DOP1B: variants seen among roughly 807,000 people sequenced by gnomAD.
DOP1B encodes the protein DOP1 leucine zipper like protein B, also known as protein DOP1B.
DOP1B carries 174 observed loss-of-function variants against 233.5 expected under a neutral mutation model. The observed-to-expected ratio is 0.75, with a 90% CI of 0.66 to 0.85. The LOEUF (loss-of-function observed/expected upper bound fraction) is 0.85. Among genes scored for constraint, DOP1B ranks in the 40% least tolerant of loss-of-function variants. The pLI, the probability that DOP1B is intolerant of heterozygous loss-of-function variation, is 0.00. For synonymous variants in DOP1B, 1,190 were observed against 1,185.6 expected, an observed-to-expected ratio of 1.00 and a Z score of -0.08; for missense variants, 2,652 against 2,846.6, an observed-to-expected ratio of 0.93 and a Z score of 1.56.
At position 36,278,213 on chromosome 21, in the gene DOP1B, T is replaced by G. The variant is rs200333230; in HGVS notation, c.5827T>G (p.Tyr1943Asp). 6.2e-6 allele frequency: 10 copies of G among 1,614,036 alleles called. No homozygotes were observed. In the East Asian group the frequency reaches 8.9e-5, roughly 14 times the overall value. The stretch of plus-strand genomic sequence containing the variant: ...TCTCTTCCCACTCCCACTCAGTGCC[T>G]ACAATGCTCCCAGCTTCCGGGCTGG... Reference protein sequence around the residue: ...VFPYLRNHSAYNAPSFRAGAQ... With the variant: ...VFPYLRNHSADNAPSFRAGAQ... The change falls in exon 30 of 37, where the codon TAC (tyrosine) becomes GAC (aspartate). Residue 1943 changes from tyrosine (Y) to aspartate (D), a missense_variant. Around this residue, in one of 3 missense-constraint regions of DOP1B, gnomAD observed 2,617 missense variants for 2,794.3 expected, o/e 0.94. Coordinates refer to ENST00000691173, the MANE Select transcript of DOP1B (RefSeq NM_001320714.2).
chr21:36,285,110 A>C (rs1211339408), intron 32 of DOP1B, among the ~76,000 whole-genome samples: 1 of 152,074 alleles, frequency 6.6e-6, no homozygotes, highest in Non-Finnish European at 1.5e-5. Context: ...CCCAGGCTGG[A>C]GTGCAGTGGC....
At chr21:36,273,310 G>A (rs1347157237) in intron 27 of DOP1B, among the ~76,000 whole-genome samples, 1 of 151,084 alleles carries the variant, frequency 6.6e-6, no homozygotes, top group African/African-American at 2.4e-5. Flanking sequence ...GGGAGGCTGA[G>A]GCAGGAGAAT....
rs967752906 is a variant in DOP1B at position 36,164,889 on chromosome 21, T to G, written c.138+18T>G. 1 of 1,512,522 alleles carries G rather than the reference T, an allele frequency of 6.6e-7. No homozygotes were observed. The highest frequency in any genetic ancestry group is 1.4e-5 in the African/African-American group (1 of 70,974). The allele number at this position is 1,512,522 out of a possible 1,614,324, so 93.7% of individuals were successfully genotyped here. A position where few individuals can be genotyped will look rare whatever the true frequency, so the allele number is the denominator to read the frequency against. Reference sequence around the variant, plus strand: ...TCAACAAGGTATGTAGGGTGTATCCTATTTGGATTGCATGGAGGTGGGGAC... The same window carrying G: ...TCAACAAGGTATGTAGGGTGTATCCGATTTGGATTGCATGGAGGTGGGGAC... On this transcript the variant is annotated intron_variant, in intron 2 of 36. Transcript: ENST00000691173.
In DOP1B at chr21:36,238,759, C is replaced by T. The variant is rs575872418; in HGVS notation, c.2876+58C>T. 7 of 1,549,166 alleles carry T rather than the reference C, an allele frequency of 4.5e-6. No homozygotes were observed. In the South Asian group the frequency reaches 5.6e-5, roughly 12 times the overall value. Reference sequence around the variant, plus strand: ...CTCACGAGGAAACTCCACAGAGGTGCCTGCCCAACGTGTGGGGCTGGGGAG... The same window carrying T: ...CTCACGAGGAAACTCCACAGAGGTGTCTGCCCAACGTGTGGGGCTGGGGAG... On this transcript the variant is annotated intron_variant, in intron 17 of 36. Transcript: ENST00000691173.
intron 23 of DOP1B, among the ~76,000 whole-genome samples, chr21:36,260,182 A>G (rs1426915957): frequency 1.3e-5 from 2 of 150,032 alleles, no homozygotes; most frequent in Non-Finnish European, 3.0e-5. Flanking sequence ...GGAAAGAAGG[A>G]ATGCAAAGAA....
chr21:36,189,529 C>T lies in DOP1B; in HGVS notation c.139-9541C>T, dbSNP rs145539668. Among the ~76,000 whole-genome samples the T allele has an allele frequency of 1.9e-4, 29 of 150,770 alleles. 1 individual carries two copies. Among genetic ancestry groups the T allele is most frequent in the Non-Finnish European group, 3.4e-4 (23 of 67,596 alleles). Reference sequence around the variant, plus strand: ...ACGGTGGATCACAAGGTCAGGAGTTCGAGACCGGCCTGGCCAATATGGTGA... The same window carrying T: ...ACGGTGGATCACAAGGTCAGGAGTTTGAGACCGGCCTGGCCAATATGGTGA... On this transcript the variant is annotated intron_variant, in intron 2 of 36. Coordinates refer to ENST00000691173, the MANE Select transcript of DOP1B (RefSeq NM_001320714.2).
chr21:36,252,225 A>G (rs181607572), intron 22 of DOP1B, among the ~76,000 whole-genome samples: 7 of 152,182 alleles, frequency 4.6e-5, no homozygotes, highest in Non-Finnish European at 8.8e-5. Context: ...GGCTTAAGAA[A>G]TGGTCACTTA....
intron 32 of DOP1B, among the ~76,000 whole-genome samples, chr21:36,284,999 G>A (rs907969591): frequency 6.6e-6 from 1 of 151,692 alleles, no homozygotes; most frequent in African/African-American, 2.4e-5. Context: ...TGCAATAAAG[G>A]CAGCAGAATG....
Position 36,246,324 on chromosome 21 carries a change from G to C in DOP1B, c.4344G>C (p.Leu1448=), listed in dbSNP as rs747249053. The stretch of plus-strand genomic sequence containing the variant: ...AGCTGCTGAAGCTGCTGCAGGTGCT[G>C]ATTGTCTTGGAACACCACCTGGGTC... ...QIELLKLLQV[L]IVLEHHLGRA... is the part of the protein sequence containing the mutation. The change falls in exon 19 of 37, where the codon CTG becomes CTC. Residue 1448 remains leucine (L), a synonymous_variant. Transcript: ENST00000691173. The surrounding 1 kb of genome is among the most constrained non-coding windows in gnomAD (Gnocchi z 5.1). 2 of 1,613,904 alleles carry C rather than the reference G, an allele frequency of 1.2e-6. No homozygotes were observed. The highest frequency in any genetic ancestry group is 1.7e-6 in the Non-Finnish European group (2 of 1,180,002).
intron 26 of DOP1B, among the ~76,000 whole-genome samples, chr21:36,266,835 G>C (rs1311463336): frequency 6.6e-6 from 1 of 152,240 alleles, no homozygotes; most frequent in African/African-American, 2.4e-5. Context: ...GGGAAATGGG[G>C]AGAAAGGCCA....
At chr21:36,194,643 C>T (rs563675717) in intron 2 of DOP1B, among the ~76,000 whole-genome samples, 92 of 152,024 alleles carry the variant, frequency 6.1e-4, no homozygotes, top group Non-Finnish European at 1.1e-3. Context: ...TGTGCCACCA[C>T]GCCTGGCTAA....
chr21:36,245,877 G>T lies in DOP1B; in HGVS notation c.3897G>T (p.Gln1299His). 1 of 1,613,740 alleles carries T rather than the reference G, an allele frequency of 6.2e-7. No individual in the cohort carries two copies. The highest frequency in any genetic ancestry group is 8.5e-7 in the Non-Finnish European group (1 of 1,180,002). The change falls in exon 19 of 37, where the codon CAG (glutamine) becomes CAT (histidine). Residue 1299 changes from glutamine to histidine, a missense_variant. By Grantham distance (24) the Gln-to-His change is conservative. This residue lies in a region of DOP1B where 2,617 missense variants were observed against 2,794.3 expected (regional missense o/e 0.94). Coordinates refer to ENST00000691173, the MANE Select transcript of DOP1B (RefSeq NM_001320714.2). The surrounding 1 kb of genome is among the most constrained non-coding windows in gnomAD (Gnocchi z 5.5). ...GCCAGAGTTTCTACGGAAAGCTCCA[G>T]ACCCAGGTCCCCAACGTGTGCCCCC... is the stretch of plus-strand genomic sequence containing the variant. ...LIGQSFYGKL[Q>H]TQVPNVCPHS...
chr21:36,282,550 C>T (rs1219108941), intron 32 of DOP1B, among the ~76,000 whole-genome samples: 2 of 152,186 alleles, frequency 1.3e-5, no homozygotes, highest in South Asian at 2.1e-4. Context: ...TCAAGGTACT[C>T]GGTGTTTACA....
At chr21:36,164,919 T>C (rs2065895000) in intron 2 of DOP1B, 48 bp downstream of exon 2, 2 of 1,403,604 alleles carry the variant, frequency 1.4e-6, no homozygotes, top group South Asian at 3.9e-5. Context: ...GGGGACGTAA[T>C]TGTCTTTTTA....
rs538678097 is a variant in DOP1B, at chr21:36,261,031, A to G, written c.5315+299A>G. On this transcript the variant is annotated intron_variant, in intron 24 of 36. Transcript: ENST00000691173. ...CATTAAATTGATACAGAAAAAGAAAAAAACCACATATAGGGAAGTGTTAAA... is the reference window on the plus strand; with the variant it reads ...CATTAAATTGATACAGAAAAAGAAAGAAACCACATATAGGGAAGTGTTAAA... The G allele has an allele frequency of 2.7e-6, 3 of 1,124,562 alleles. No homozygotes were observed. The African/African-American group carries it at 4.9e-5, about 18-fold the overall frequency. The allele number at this position is 1,124,562 out of a possible 1,614,324, so 69.7% of individuals were successfully genotyped here.
Position 36,239,842 on chromosome 21 carries a change from G to T in DOP1B, c.2954G>T (p.Arg985Leu), listed in dbSNP as rs763751996. The T allele has an allele frequency of 1.9e-6, 3 of 1,579,596 alleles. No homozygotes were observed. Among genetic ancestry groups the T allele is most frequent in the Non-Finnish European group, 2.6e-6 (3 of 1,164,574 alleles). The stretch of plus-strand genomic sequence containing the variant: ...GCGGCAGCCCAGGGCTGGCTGGTGC[G>T]TGCGCTCTCCCTCGGGGACGTGGCT... ...IGAAAQGWLV[R>L]ALSLGDVARI... Residue 985 changes from arginine (R) to leucine (L), a missense_variant, in exon 18 of 37, where the codon CGT becomes CTT. Transcript: ENST00000691173.
chr21:36,212,380 CA>C (rs2066509731), intron 7 of DOP1B, among the ~76,000 whole-genome samples: 1 of 152,134 alleles, frequency 6.6e-6, no homozygotes, highest in African/African-American at 2.4e-5. Context: ...AAAGTGGTAG[CA>C]AAACCTTATT....
chr21:36,292,455 C>T (rs1033759952), intron 36 of DOP1B, among the ~76,000 whole-genome samples: 3 of 151,836 alleles, frequency 2.0e-5, no homozygotes, highest in Non-Finnish European at 4.4e-5. Flanking sequence ...GACGGAATCT[C>T]ACTCTGTTGC....
chr21:36,290,465 A>G (rs1171300781), intron 35 of DOP1B, among the ~76,000 whole-genome samples: 1 of 151,726 alleles, frequency 6.6e-6, no homozygotes, highest in Admixed American at 6.6e-5. Flanking sequence ...GTTCAAGACC[A>G]GCCCGGCCAA....
Sources: allele counts gnomAD v4.1 joint callset (sites outside exome capture counted in the v4.1 genomes callset), GRCh38; gene constraint gnomAD v4.1.1; regional missense constraint gnomAD v4.1.1; non-coding constraint Gnocchi (gnomAD v3.1); transcripts MANE v1.5; gene names NCBI Gene and HGNC (gene_info 2026-07-23, HGNC 2026-07-21).